OTULIN: variants seen among roughly 807,000 people sequenced by gnomAD.
OTULIN encodes OTU deubiquitinase with linear linkage specificity, also known as ubiquitin thioesterase otulin.
OTULIN carries 15 observed loss-of-function variants against 39.6 expected under a neutral mutation model. That is an observed-to-expected ratio of 0.38 (90% CI 0.25 to 0.58). The LOEUF (loss-of-function observed/expected upper bound fraction) is 0.58. Among genes scored for constraint, OTULIN ranks in the 20% least tolerant of loss-of-function variants. The probability of loss-of-function intolerance (pLI) is 0.66; values close to 1 mark genes in which losing one functional copy is unlikely to be tolerated. For synonymous variants in OTULIN, 156 were observed against 170.3 expected (o/e 0.92, Z 0.65); for missense variants, 319 against 445.9 (o/e 0.72, Z 2.56).
At chr5:14,705,863 T>TG in the OTULIN span, 1 of 152,286 alleles carries the variant, frequency 6.6e-6, no homozygotes, top group African/African-American at 2.4e-5. Flanking sequence ...CGTGGGTCCC[T>TG]GCATGTTCAT....
At chr5:14,713,628 A>G in the OTULIN span, 4 of 1,614,210 alleles carry the variant, frequency 2.5e-6, no homozygotes, top group Non-Finnish European at 3.4e-6. The surrounding 1 kb of genome is among the most constrained non-coding windows in gnomAD (Gnocchi z 4.4). Context: ...GGTTTTCTTC[A>G]GTGTCATCAG....
chr5:14,715,357 C>T, the OTULIN span, among the ~76,000 whole-genome samples: 1 of 152,176 alleles, frequency 6.6e-6, no homozygotes, highest in African/African-American at 2.4e-5. Flanking sequence ...TCTCGAACTC[C>T]TGACCTCAGA....
intron 4 of OTULIN, among the ~76,000 whole-genome samples, chr5:14,686,401 A>G (rs1736389143): frequency 6.6e-6 from 1 of 152,146 alleles, no homozygotes; most frequent in Non-Finnish European, 1.5e-5. Context: ...CCCGGGCTCA[A>G]GTGATCCTCC....
intron 1 of OTULIN, among the ~76,000 whole-genome samples, chr5:14,672,520 C>G (rs2126815626): frequency 6.6e-6 from 1 of 152,126 alleles, no homozygotes; most frequent in East Asian, 1.9e-4. Context: ...AGCCTGGCAC[C>G]TCCTCCTTCC....
chr5:14,674,794 AC>A (rs1200082609), intron 2 of OTULIN, among the ~76,000 whole-genome samples: 1 of 152,174 alleles, frequency 6.6e-6, no homozygotes. Flanking sequence ...TTATTTCTCA[AC>A]ATAAGCTCCA....
At chr5:14,701,678 G>C (rs897532131), downstream of OTULIN, among the ~76,000 whole-genome samples, 2 of 152,176 alleles carry the variant, frequency 1.3e-5, no homozygotes, top group Admixed American at 6.5e-5. Context: ...AGGGAGTTCA[G>C]ACTCCTGCAG....
At chr5:14,706,017 G>C in the OTULIN span, 2 of 152,162 alleles carry the variant, frequency 1.3e-5, no homozygotes, top group Non-Finnish European at 2.9e-5. Flanking sequence ...CCATGAGGTT[G>C]TACAGTGAGT....
At chr5:14,675,304 G>T (rs375470035) in intron 2 of OTULIN, among the ~76,000 whole-genome samples, 6 of 152,266 alleles carry the variant, frequency 3.9e-5, no homozygotes, top group African/African-American at 1.4e-4. Context: ...TCTGTTTTTG[G>T]TGAACAAAAG....
the OTULIN span, chr5:14,710,020 T>C: frequency 1.3e-5 from 2 of 152,198 alleles, no homozygotes; most frequent in African/African-American, 4.8e-5. Context: ...TTCCAAAACT[T>C]AGAAAAATAT....
At position 14,695,251 on chromosome 5, in the gene OTULIN, G is replaced by C. The variant is rs1299438451; in HGVS notation, c.*2203G>C. On this transcript the variant is annotated 3_prime_UTR_variant, in exon 7 of 7. Transcript: ENST00000284274. Reference sequence around the variant, plus strand: ...AGTACTTCAGGAAATAGAAATGATTGACCAACTTTAAAAATAATTTTTTTT... The same window carrying C: ...AGTACTTCAGGAAATAGAAATGATTCACCAACTTTAAAAATAATTTTTTTT... 6.6e-6 allele frequency: 1 copy of C among 152,170 alleles called. No individual in the cohort carries two copies. Among genetic ancestry groups the C allele is most frequent in the Non-Finnish European group, 1.5e-5 (1 of 68,024 alleles). 9.4% of individuals were successfully genotyped at this position (152,170 alleles called of 1,614,324 possible).
chr5:14,687,257 G>T (rs1736409650), intron 4 of OTULIN, among the ~76,000 whole-genome samples: 1 of 152,130 alleles, frequency 6.6e-6, no homozygotes, highest in Non-Finnish European at 1.5e-5. Context: ...CCTGGCCGTG[G>T]TTGGAGTCCT....
At chr5:14,712,255 C>T in the OTULIN span, among the ~76,000 whole-genome samples, 5 of 152,356 alleles carry the variant, frequency 3.3e-5, no homozygotes, top group African/African-American at 1.2e-4. Flanking sequence ...CTGGCCGTCA[C>T]TCTGCTGCCC....
At chr5:14,692,747 G>T in intron 6 of OTULIN, 107 bp from the exon 7 acceptor site, 14 of 789,684 alleles carry the variant, frequency 1.8e-5, no homozygotes, top group East Asian at 2.8e-5. Context: ...AAAAAACGTT[G>T]TGGCTTCACC....
chr5:14,688,627 T>C (rs533649222), intron 5 of OTULIN, among the ~76,000 whole-genome samples: 4 of 152,328 alleles, frequency 2.6e-5, no homozygotes, highest in African/African-American at 4.8e-5. Context: ...GAAAATATAC[T>C]GTCAAAGGAA....
intron 1 of OTULIN, among the ~76,000 whole-genome samples, chr5:14,672,427 T>G (rs1166639751): frequency 1.3e-5 from 2 of 151,974 alleles, no homozygotes; most frequent in African/African-American, 2.4e-5. Context: ...CCCCCAGCTG[T>G]ACTAGGCCAT....
chr5:14,693,173 C>A lies in OTULIN; in HGVS notation c.*125C>A. 1.2e-6 allele frequency: 1 copy of A among 834,916 alleles called. No individual in the cohort carries two copies. The highest frequency in any genetic ancestry group is 1.8e-6 in the Non-Finnish European group (1 of 549,522). 51.7% of individuals were successfully genotyped at this position (834,916 alleles called of 1,614,324 possible). A position where few individuals can be genotyped will look rare whatever the true frequency, so the allele number is the denominator to read the frequency against. On this transcript the variant is annotated 3_prime_UTR_variant, in exon 7 of 7. Coordinates refer to ENST00000284274, the MANE Select transcript of OTULIN (RefSeq NM_138348.6). ...GAAGAACCCTTGGGCCCCTGGGAGCCAAGTTGGACAGGATGTCCTGAAGAC... is the reference window on the plus strand; with the variant it reads ...GAAGAACCCTTGGGCCCCTGGGAGCAAAGTTGGACAGGATGTCCTGAAGAC...
At chr5:14,686,247 CTGTATTTATTTTATTTTA>C (rs1161675125) in intron 4 of OTULIN, among the ~76,000 whole-genome samples, 49 of 152,162 alleles carry the variant, frequency 3.2e-4, no homozygotes, top group Non-Finnish European at 6.9e-4. Context: ...TCATTTAAAA[CTGTATTTATTTTATTTTA>C]TGTATTTATT....
chr5:14,713,474 C>T, the OTULIN span: 1 of 1,592,160 alleles, frequency 6.3e-7, no homozygotes, highest in African/African-American at 1.3e-5. This position sits in a 1 kb window ranked among gnomAD's most constrained non-coding sequence, Gnocchi z 4.4. Flanking sequence ...GAAAATGTAG[C>T]TGTTAAACCT....
intron 3 of OTULIN, among the ~76,000 whole-genome samples, chr5:14,679,518 C>T (rs1044454804): frequency 2.0e-5 from 3 of 152,194 alleles, no homozygotes; most frequent in African/African-American, 4.8e-5. Flanking sequence ...ATCTTTTGCT[C>T]ATTTTTCTCT....
Sources: gnomAD v4.1 joint callset for allele counts (sites outside exome capture counted in the v4.1 genomes callset) on GRCh38, gnomAD v4.1.1 for gene constraint, Gnocchi (gnomAD v3.1) non-coding constraint, MANE v1.5 for transcripts, NCBI Gene and HGNC (gene_info 2026-07-23, HGNC 2026-07-21) for gene names.